ZNRF2: variants seen among roughly 807,000 people sequenced by gnomAD.
ZNRF2 encodes the protein E3 ubiquitin-protein ligase ZNRF2.
In ZNRF2, 16 loss-of-function variants were observed where a neutral mutation model predicts 20.4. The observed-to-expected ratio is 0.79, with a 90% CI of 0.53 to 1.19. The LOEUF is 1.19. ZNRF2 is among the 50% of genes most tolerant of loss of function. The pLI, the probability that ZNRF2 is intolerant of heterozygous loss-of-function variation, is 0.00. For synonymous variants in ZNRF2, 178 were observed against 144.9 expected (o/e 1.23, Z -1.64); for missense variants, 363 against 332.4 (o/e 1.09, Z -0.72).
intron 1 of ZNRF2, among the ~76,000 whole-genome samples, chr7:30,309,755 G>A (rs146361076): frequency 5.3e-5 from 8 of 152,250 alleles, no homozygotes; most frequent in South Asian, 2.1e-4. Context: ...GCATTGTTGT[G>A]ATTCAGTTAA....
chr7:30,350,560 C>G (rs1799946955), intron 2 of ZNRF2, among the ~76,000 whole-genome samples: 2 of 151,838 alleles, frequency 1.3e-5, no homozygotes, highest in South Asian at 4.1e-4. Flanking sequence ...CATTTCTAAG[C>G]CTATTTATAT....
chr7:30,285,964 G>T, intron 1 of ZNRF2, 138 bp downstream of exon 1: 1 of 1,319,992 alleles, frequency 7.6e-7, no homozygotes, highest in Non-Finnish European at 9.7e-7. Context: ...AGCCCGCGTC[G>T]GTCTCCATCC....
chr7:30,333,365 T>A (rs1000363929), intron 2 of ZNRF2, among the ~76,000 whole-genome samples: 22 of 140,958 alleles, frequency 1.6e-4, no homozygotes, highest in Admixed American at 7.0e-5. Context: ...TATTTTGACT[T>A]TTTTTTTTTT....
At chr7:30,332,316 A>C (rs1392719123) in intron 2 of ZNRF2, among the ~76,000 whole-genome samples, 1 of 152,194 alleles carries the variant, frequency 6.6e-6, no homozygotes, top group Non-Finnish European at 1.5e-5. Flanking sequence ...ATTACTAAGA[A>C]ATATTACTCT....
chr7:30,323,590 A>G, intron 1 of ZNRF2, 52 bp from the exon 2 acceptor site: 2 of 1,210,780 alleles, frequency 1.7e-6, no homozygotes, highest in Non-Finnish European at 2.3e-6. Context: ...TTTAAAAGCC[A>G]TAGCTGGATA....
intron 2 of ZNRF2, among the ~76,000 whole-genome samples, chr7:30,355,224 T>C (rs1335390957): frequency 6.6e-6 from 1 of 152,154 alleles, no homozygotes; most frequent in Non-Finnish European, 1.5e-5. Context: ...AGTTTTGATA[T>C]TCCTTTGCAT....
At chr7:30,365,267 A>G (rs1235036531) in intron 4 of ZNRF2, among the ~76,000 whole-genome samples, 1 of 149,888 alleles carries the variant, frequency 6.7e-6, no homozygotes, top group African/African-American at 2.5e-5. Flanking sequence ...TGTGGAGCAT[A>G]CATCTCATCT....
intron 1 of ZNRF2, among the ~76,000 whole-genome samples, chr7:30,299,244 A>G (rs1348103621): frequency 1.3e-5 from 2 of 152,066 alleles, no homozygotes; most frequent in Non-Finnish European, 1.5e-5. Flanking sequence ...CCGGACTAAC[A>G]TGGTGAAACA....
At chr7:30,333,430 C>T (rs183248419) in intron 2 of ZNRF2, among the ~76,000 whole-genome samples, 39 of 150,756 alleles carry the variant, frequency 2.6e-4, no homozygotes, top group South Asian at 6.3e-4. Context: ...AGTGCAGTGG[C>T]GCCATCTCAC....
intron 2 of ZNRF2, among the ~76,000 whole-genome samples, chr7:30,333,816 T>G (rs1799675867): frequency 6.6e-6 from 1 of 152,212 alleles, no homozygotes; most frequent in East Asian, 1.9e-4. Context: ...TTGAGAAGTA[T>G]CTGTTCATGC....
chr7:30,327,621 C>T (rs536567870), intron 2 of ZNRF2, among the ~76,000 whole-genome samples: 2 of 152,080 alleles, frequency 1.3e-5, no homozygotes, highest in East Asian at 1.9e-4. Context: ...TAATAAATTT[C>T]ATGCAATAAG....
intron 2 of ZNRF2, 131 bp downstream of exon 2, chr7:30,323,868 G>C: frequency 3.7e-6 from 2 of 535,930 alleles, no homozygotes; most frequent in Non-Finnish European, 6.0e-6. Context: ...CATTAATGCA[G>C]TGGTTCTCAA....
intron 1 of ZNRF2, 78 bp downstream of exon 1, chr7:30,285,904 C>T (rs1798777891): frequency 3.0e-6 from 4 of 1,353,554 alleles, no homozygotes; most frequent in Non-Finnish European, 3.8e-6. Flanking sequence ...CTATTTTTAC[C>T]CTTCTCCTTT....
At chr7:30,338,024 T>C (rs888438936) in intron 2 of ZNRF2, among the ~76,000 whole-genome samples, 2 of 152,204 alleles carry the variant, frequency 1.3e-5, no homozygotes, top group African/African-American at 4.8e-5. Context: ...ATTTGTAATA[T>C]GTGCTAGCGG....
Position 30,288,268 on chromosome 7 carries a change from G to C in ZNRF2, c.469+2442G>C, listed in dbSNP as rs907438456. Among the ~76,000 whole-genome samples, 47 of 152,240 alleles carry C rather than the reference G, an allele frequency of 3.1e-4. 1 individual carries two copies. Among genetic ancestry groups the C allele is most frequent in the South Asian group, 1.2e-3 (6 of 4,826 alleles). ...TATAAATGGTTATATACAAATAACTGCATCTGAAAATTGATAAAAGGATTA... is the reference window on the plus strand; with the variant it reads ...TATAAATGGTTATATACAAATAACTCCATCTGAAAATTGATAAAAGGATTA... On this transcript the variant is annotated intron_variant, in intron 1 of 4. Transcript: ENST00000323037.
Position 30,285,491 on chromosome 7 carries a change from C to T in ZNRF2, c.134C>T (p.Ala45Val), listed in dbSNP as rs1798759452. The change falls in exon 1 of 5, where the codon GCC becomes GTC. Residue 45 changes from alanine to valine, a missense_variant. This residue lies in a region of ZNRF2 where 302 missense variants were observed against 231.5 expected (regional missense o/e 1.30). Transcript: ENST00000323037. ...AGGGGGARAAAAGRFPAQVPS... is the reference protein window; with the variant it reads ...AGGGGGARAAVAGRFPAQVPS... ...GGCGGCGGGGGCGCTCGGGCCGCCG[C>T]CGCGGGGAGGTTCCCGGCTCAGGTG... The T allele has an allele frequency of 9.3e-7, 1 of 1,074,214 alleles. No homozygotes were observed. Among genetic ancestry groups the T allele is most frequent in the Non-Finnish European group, 1.1e-6 (1 of 889,360 alleles). 66.5% of individuals were successfully genotyped at this position (1,074,214 alleles called of 1,614,324 possible).
intron 1 of ZNRF2, among the ~76,000 whole-genome samples, chr7:30,286,100 G>A (rs536775278): frequency 1.3e-5 from 2 of 152,216 alleles, no homozygotes; most frequent in Non-Finnish European, 2.9e-5. Context: ...TTTCCAGTGA[G>A]ATGACTGGAG....
At chr7:30,336,818 A>C (rs1338308690) in intron 2 of ZNRF2, among the ~76,000 whole-genome samples, 1 of 152,162 alleles carries the variant, frequency 6.6e-6, no homozygotes, top group Non-Finnish European at 1.5e-5. Context: ...GAAATTGTGA[A>C]TATAAGAGAA....
intron 1 of ZNRF2, among the ~76,000 whole-genome samples, chr7:30,300,391 C>A (rs904982378): frequency 2.0e-5 from 3 of 152,108 alleles, no homozygotes; most frequent in Non-Finnish European, 2.9e-5. Context: ...TCGTGATCCA[C>A]CCGCCTCGGC....
Sources: allele counts gnomAD v4.1 joint callset (sites outside exome capture counted in the v4.1 genomes callset), GRCh38; gene constraint gnomAD v4.1.1; regional missense constraint gnomAD v4.1.1; transcripts MANE v1.5; gene names NCBI Gene and HGNC (gene_info 2026-07-23, HGNC 2026-07-21).